Variants in INTS2 observed in about 807,000 individuals in gnomAD.
The protein encoded by INTS2 is integrator complex subunit 2.
A neutral mutation model predicts 139.6 loss-of-function variants in INTS2; 57 were observed. The observed-to-expected ratio is 0.41, with a 90% CI of 0.33 to 0.51. The LOEUF (loss-of-function observed/expected upper bound fraction) is 0.51, where lower values mean the gene tolerates loss of function less well. INTS2 is among the 20% of genes least tolerant of loss of function. The pLI is 0.28. For missense variants in INTS2, 1,196 were observed against 1,436.7 expected, an observed-to-expected ratio of 0.83 and a Z score of 2.71; for synonymous variants, 473 against 493.4, an observed-to-expected ratio of 0.96 and a Z score of 0.55.
Position 61,868,150 on chromosome 17 carries a change from C to G in INTS2, c.3245-141G>C. ...AGCCAACCCGTCTTCAGAAAGCTCA[C>G]AATCTAGTAGTCTCAGTCTTTATCC... On this transcript the variant is annotated intron_variant, in intron 23 of 24. Coordinates refer to ENST00000251334, the MANE Select transcript of INTS2 (RefSeq NM_001351695.2). The surrounding 1 kb of genome is among the most constrained non-coding windows in gnomAD (Gnocchi z 4.7). 1 of 590,078 alleles carries G rather than the reference C, an allele frequency of 1.7e-6. No individual in the cohort carries two copies. The highest frequency in any genetic ancestry group is 1.9e-5 in the African/African-American group (1 of 51,722). 36.6% of individuals were successfully genotyped at this position (590,078 alleles called of 1,614,324 possible). A position where few individuals can be genotyped will look rare whatever the true frequency, so the allele number is the denominator to read the frequency against.
At position 61,893,869 on chromosome 17, in the gene INTS2, C is replaced by A; in HGVS notation, c.1594G>T (p.Val532Phe). 1 of 1,579,212 alleles carries A rather than the reference C, an allele frequency of 6.3e-7. No individual in the cohort carries two copies. Among genetic ancestry groups the A allele is most frequent in the East Asian group, 2.3e-5 (1 of 43,172 alleles). ...VVTAHAVRVP[V>F]TSNLSANITG... is the part of the protein sequence containing the mutation. ...ATGTTGGCACTCAGGTTGCTGGTGACAGGGACCCGAACTGCATGAGCTGTG... is the reference window on the plus strand; with the variant it reads ...ATGTTGGCACTCAGGTTGCTGGTGAAAGGGACCCGAACTGCATGAGCTGTG... The change falls in exon 13 of 25, where the codon GTC becomes TTC. Residue 532 changes from valine to phenylalanine, a missense_variant. This residue lies in a region of INTS2 where 1,129 missense variants were observed against 1,341.9 expected (regional missense o/e 0.84). Coordinates refer to ENST00000251334, the MANE Select transcript of INTS2 (RefSeq NM_001351695.2). This position sits in a 1 kb window ranked among gnomAD's most constrained non-coding sequence, Gnocchi z 5.4.
chr17:61,874,526 T>C (rs1208124676), intron 19 of INTS2, among the ~76,000 whole-genome samples: 1 of 152,204 alleles, frequency 6.6e-6, no homozygotes, highest in Non-Finnish European at 1.5e-5. Context: ...AACATCACTA[T>C]TGTGCATGCC....
At chr17:61,891,378 G>A in intron 14 of INTS2, 135 bp downstream of exon 14, 1 of 698,150 alleles carries the variant, frequency 1.4e-6, no homozygotes, top group Non-Finnish European at 2.4e-6. Flanking sequence ...TTTTAGAGGT[G>A]ATCTAAGGAA....
chr17:61,909,078 TA>T lies in INTS2; in HGVS notation c.955-1445del, dbSNP rs1049037263. Among the ~76,000 whole-genome samples the T allele has an allele frequency of 2.0e-5, 3 of 152,128 alleles. No individual in the cohort carries two copies. Among genetic ancestry groups the T allele is most frequent in the African/African-American group, 7.2e-5 (3 of 41,432 alleles). ...ACATATGCATAAGCAGGTGAACGTA[TA>T]AAATAAAATGTGGTATATACACACA... On this transcript the variant is annotated intron_variant, in intron 7 of 24. Transcript: ENST00000251334. The surrounding 1 kb of genome is among the most constrained non-coding windows in gnomAD (Gnocchi z 4.9).
intron 14 of INTS2, among the ~76,000 whole-genome samples, chr17:61,891,087 A>G (rs1186510622): frequency 7.3e-5 from 11 of 150,306 alleles, no homozygotes; most frequent in Admixed American, 6.7e-4. Context: ...TGAGGTCAGG[A>G]GTTCGAGATC....
chr17:61,894,459 G>A (rs866635584), intron 12 of INTS2, among the ~76,000 whole-genome samples: 2 of 152,192 alleles, frequency 1.3e-5, no homozygotes, highest in African/African-American at 4.8e-5. Flanking sequence ...TCTCCCACAT[G>A]CTGTGTGACT....
At chr17:61,922,269 G>A (rs1187729443) in intron 3 of INTS2, among the ~76,000 whole-genome samples, 2 of 151,818 alleles carry the variant, frequency 1.3e-5, no homozygotes, top group South Asian at 2.1e-4. Flanking sequence ...TCAGGAGTTC[G>A]AGACCAGCCT....
At position 61,889,448 on chromosome 17, in the gene INTS2, GACTCA is replaced by G. The variant is rs1192712845; in HGVS notation, c.1984+333_1984+337del. Among the ~76,000 whole-genome samples, 10 of 152,256 alleles carry G rather than the reference GACTCA, an allele frequency of 6.6e-5. No individual in the cohort carries two copies. In the East Asian group the frequency reaches 7.7e-4, roughly 12 times the overall value. On this transcript the variant is annotated intron_variant, in intron 15 of 24. Transcript: ENST00000251334. Reference sequence around the variant, plus strand: ...ACTAATGGAAGGAAGACCGGTCAAAGACTCAACTCAAATCAAGAGAAAAAAATTCA... The same window carrying G: ...ACTAATGGAAGGAAGACCGGTCAAAGACTCAAATCAAGAGAAAAAAATTCA...
chr17:61,894,703 T>C (rs996100683), intron 12 of INTS2, among the ~76,000 whole-genome samples: 6 of 151,816 alleles, frequency 4.0e-5, no homozygotes, highest in African/African-American at 9.7e-5. Context: ...AATACAAAAA[T>C]TAGGCGTGGT....
Position 61,905,035 on chromosome 17 carries a change from C to G in INTS2, c.1182-450G>C, listed in dbSNP as rs938661430. 5.4e-4 allele frequency among the ~76,000 whole-genome samples: 81 copies of G among 151,304 alleles called. 1 individual carries two copies. Among genetic ancestry groups the G allele is most frequent in the African/African-American group, 2.0e-3 (81 of 41,166 alleles). On this transcript the variant is annotated intron_variant, in intron 8 of 24. Transcript: ENST00000251334. ...GATCAGAGCTCACTTCAGCTTTGACCTTCCAGGCTCAGGTAATCCTCCCAC... is the reference window on the plus strand; with the variant it reads ...GATCAGAGCTCACTTCAGCTTTGACGTTCCAGGCTCAGGTAATCCTCCCAC...
chr17:61,912,258 A>T lies in INTS2; in HGVS notation c.650-188T>A, dbSNP rs551242613. 3.8e-3 allele frequency among the ~76,000 whole-genome samples: 582 copies of T among 152,054 alleles called. 1 individual carries two copies. Among genetic ancestry groups the T allele is most frequent in the Middle Eastern group, 0.01 (3 of 294 alleles). Reference sequence around the variant, plus strand: ...GGGACAATATTACACATTCAAACACACTTGCAATTACGGTCCCAGAGAGAC... The same window carrying T: ...GGGACAATATTACACATTCAAACACTCTTGCAATTACGGTCCCAGAGAGAC... On this transcript the variant is annotated intron_variant, in intron 5 of 24. Coordinates refer to ENST00000251334, the MANE Select transcript of INTS2 (RefSeq NM_001351695.2).
chr17:61,871,328 C>T lies in INTS2; in HGVS notation c.2778+937G>A, dbSNP rs2079086939. ...TAGAGATGGGGTTTCACCATGTTGG[C>T]CAGGCTGGTCTCAAAACTCCTGAAC... is the stretch of plus-strand genomic sequence containing the variant. On this transcript the variant is annotated intron_variant, in intron 20 of 24. Coordinates refer to ENST00000251334, the MANE Select transcript of INTS2 (RefSeq NM_001351695.2). This position sits in a 1 kb window ranked among gnomAD's most constrained non-coding sequence, Gnocchi z 4.9. Among the ~76,000 whole-genome samples the T allele has an allele frequency of 6.6e-6, 1 of 152,026 alleles. No individual in the cohort carries two copies. The highest frequency in any genetic ancestry group is 2.4e-5 in the African/African-American group (1 of 41,390).
chr17:61,869,873 CTGG>C lies in INTS2; in HGVS notation c.2891_2893del (p.Thr964del). On this transcript the variant is annotated inframe_deletion, in exon 21 of 25. Transcript: ENST00000251334. This position sits in a 1 kb window ranked among gnomAD's most constrained non-coding sequence, Gnocchi z 5.4. ...TTCCTCCATTCCCTTATTTGGAGCG[CTGG>C]TGGTAATAACACTTTGAACATTTCT... 6.2e-7 allele frequency: 1 copy of C among 1,613,906 alleles called. No individual in the cohort carries two copies. Among genetic ancestry groups the C allele is most frequent in the Non-Finnish European group, 8.5e-7 (1 of 1,179,810 alleles).
chr17:61,922,543 T>TATATATATATATATATAC (rs1240177230), intron 3 of INTS2, among the ~76,000 whole-genome samples: 3 of 125,678 alleles, frequency 2.4e-5, no homozygotes, highest in African/African-American at 8.6e-5. Flanking sequence ...TATATATATA[T>TATATATATATATATATAC]ATACGTGTTC....
In INTS2 at chr17:61,874,988, C is replaced by G; in HGVS notation, c.2507G>C (p.Arg836Pro). 1 of 1,597,142 alleles carries G rather than the reference C, an allele frequency of 6.3e-7. No homozygotes were observed. Among genetic ancestry groups the G allele is most frequent in the Non-Finnish European group, 8.5e-7 (1 of 1,170,604 alleles). Reference sequence around the variant, plus strand: ...GTCATTCTGAGTATACTTTTGTTGTCGTACAAACTTTATTGAAGGCTGAAG... The same window carrying G: ...GTCATTCTGAGTATACTTTTGTTGTGGTACAAACTTTATTGAAGGCTGAAG... Reference protein sequence around the residue: ...NALQPSIKFVRQQKYTQNDLM... With the variant: ...NALQPSIKFVPQQKYTQNDLM... The change falls in exon 19 of 25, where the codon CGA (arginine) becomes CCA (proline). Residue 836 changes from arginine to proline, a missense_variant. Arg to Pro is a moderately radical substitution (Grantham distance 103). Coordinates refer to ENST00000251334, the MANE Select transcript of INTS2 (RefSeq NM_001351695.2).
rs781746872 is a variant in INTS2 at position 61,869,794 on chromosome 17, A to G, written c.2973T>C (p.Cys991=). 6.2e-7 allele frequency: 1 copy of G among 1,613,930 alleles called. No homozygotes were observed. The highest frequency in any genetic ancestry group is 1.1e-5 in the South Asian group (1 of 91,082). The change falls in exon 21 of 25, where the codon TGT becomes TGC. Residue 991 remains cysteine, a synonymous_variant. Coordinates refer to ENST00000251334, the MANE Select transcript of INTS2 (RefSeq NM_001351695.2). The surrounding 1 kb of genome is among the most constrained non-coding windows in gnomAD (Gnocchi z 5.4). ...NLREVQCLIC[C]LLHQMYIADP... ...CTGCAATGTACATTTGGTGCAAGAG[A>G]CAACAGATAAGGCACTGAACTTCTC...
intron 14 of INTS2, among the ~76,000 whole-genome samples, chr17:61,890,583 C>T (rs1265246583): frequency 1.4e-5 from 2 of 142,100 alleles, no homozygotes; most frequent in Admixed American, 7.5e-5. Context: ...GCACTCCGGT[C>T]GGGGCAACAG....
At chr17:61,907,021 C>T (rs1407821862) in intron 8 of INTS2, among the ~76,000 whole-genome samples, 1 of 127,108 alleles carries the variant, frequency 7.9e-6, no homozygotes, top group African/African-American at 2.9e-5. Flanking sequence ...TAATTTTAAA[C>T]AATTATGATA....
chr17:61,878,031 GTCAAGTGT>G lies in INTS2; in HGVS notation c.2304_2311del (p.Glu768AspfsTer7). ...TATAAGTTCACTGGCAGAGAGTAGA[GTCAAGTGT>G]TCTATAATCTGCATCACTTGTGTGT... On this transcript the variant is annotated frameshift_variant, in exon 18 of 25. Coordinates refer to ENST00000251334, the MANE Select transcript of INTS2 (RefSeq NM_001351695.2). LOFTEE classifies it high-confidence loss of function. 1 of 1,612,878 alleles carries G rather than the reference GTCAAGTGT, an allele frequency of 6.2e-7. No individual in the cohort carries two copies. Among genetic ancestry groups the G allele is most frequent in the Non-Finnish European group, 8.5e-7 (1 of 1,178,854 alleles).
Sources: gnomAD v4.1 joint callset for allele counts (sites outside exome capture counted in the v4.1 genomes callset) on GRCh38, gnomAD v4.1.1 for gene constraint, gnomAD v4.1.1 regional missense constraint, Gnocchi (gnomAD v3.1) non-coding constraint, MANE v1.5 for transcripts, NCBI Gene and HGNC (gene_info 2026-07-23, HGNC 2026-07-21) for gene names.